Variants in PLXNC1 observed in about 807,000 individuals in gnomAD.
PLXNC1 encodes the protein plexin C1.
Under a neutral mutation model 178.2 loss-of-function variants are expected in PLXNC1, and 75 were observed. The observed-to-expected ratio is 0.42, with a 90% confidence interval of 0.35 to 0.51. The LOEUF (loss-of-function observed/expected upper bound fraction) is 0.51. Ranked by LOEUF, PLXNC1 falls within the 20% of genes least tolerant of loss-of-function variation. The pLI is 0.02. For synonymous variants in PLXNC1, 790 were observed against 779.9 expected (o/e 1.01, Z -0.22); for missense variants, 1,503 against 1,984.4 (o/e 0.76, Z 4.61).
chr12:94,223,568 G>A (rs1164482824), intron 6 of PLXNC1, among the ~76,000 whole-genome samples: 5 of 152,140 alleles, frequency 3.3e-5, no homozygotes, highest in Non-Finnish European at 7.3e-5. Flanking sequence ...TCACTACCTT[G>A]GATAGAGCAT....
chr12:94,302,625 GGT>G (rs1372296702), intron 28 of PLXNC1, among the ~76,000 whole-genome samples: 1 of 152,122 alleles, frequency 6.6e-6, no homozygotes, highest in East Asian at 1.9e-4. Flanking sequence ...TACCAAATAA[GGT>G]AGTTATTATT....
chr12:94,162,837 A>T (rs191558974), intron 1 of PLXNC1, among the ~76,000 whole-genome samples: 2 of 152,274 alleles, frequency 1.3e-5, no homozygotes, highest in Admixed American at 1.3e-4. Flanking sequence ...CATGTCACAG[A>T]TTTCAGTGGT....
chr12:94,188,926 G>T (rs747413930), intron 4 of PLXNC1, among the ~76,000 whole-genome samples: 1 of 152,208 alleles, frequency 6.6e-6, no homozygotes, highest in South Asian at 2.1e-4. Flanking sequence ...AGTGGCCTAC[G>T]GCCATTGAGA....
chr12:94,199,216 T>C (rs10507031), intron 4 of PLXNC1, among the ~76,000 whole-genome samples: 58,257 of 152,090 alleles, frequency 0.38, 12,333 homozygotes, highest in East Asian at 0.58. Context: ...TTGAGTGGAA[T>C]GGCCGACAAT....
At chr12:94,274,145 A>G (rs1481186389) in intron 21 of PLXNC1, among the ~76,000 whole-genome samples, 1 of 120,382 alleles carries the variant, frequency 8.3e-6, no homozygotes, top group African/African-American at 3.3e-5. Flanking sequence ...ACACAGCAAG[A>G]CCCTGTCTCT....
At chr12:94,151,047 T>C (rs1166651354) in intron 1 of PLXNC1, among the ~76,000 whole-genome samples, 2 of 152,098 alleles carry the variant, frequency 1.3e-5, no homozygotes, top group Non-Finnish European at 2.9e-5. Context: ...GCACATCAAC[T>C]CCACATATGG....
intron 9 of PLXNC1, among the ~76,000 whole-genome samples, chr12:94,234,293 G>C (rs1429228516): frequency 6.6e-6 from 1 of 152,048 alleles, no homozygotes; most frequent in Non-Finnish European, 1.5e-5. Context: ...TTCACAAAAG[G>C]TACTCTTACT....
intron 15 of PLXNC1, 104 bp downstream of exon 15, chr12:94,251,632 A>C: frequency 1.3e-6 from 1 of 744,078 alleles, no homozygotes; most frequent in Non-Finnish European, 2.4e-6. Flanking sequence ...ATTAAGTATA[A>C]ATGGGTGAAA....
chr12:94,169,240 G>C lies in PLXNC1; in HGVS notation c.1150G>C (p.Val384Leu). ...CCTGACATCCGTTTATGGCACCGTG[G>C]TAATGAACAGGACTGTTTTATTCTT... is the stretch of plus-strand genomic sequence containing the variant. ...SDLTSVYGTV[V>L]MNRTVLFLGT... The change falls in exon 2 of 31, where the codon GTA (valine) becomes CTA (leucine). Residue 384 changes from valine to leucine, a missense_variant. Physicochemically the swap from Val to Leu is conservative, Grantham distance 32. Transcript: ENST00000258526. The C allele has an allele frequency of 6.2e-7, 1 of 1,614,052 alleles. No homozygotes were observed. Among genetic ancestry groups the C allele is most frequent in the South Asian group, 1.1e-5 (1 of 91,078 alleles).
chr12:94,247,640 CATA>C (rs1356397316), intron 12 of PLXNC1, among the ~76,000 whole-genome samples: 1 of 152,148 alleles, frequency 6.6e-6, no homozygotes, highest in African/African-American at 2.4e-5. Context: ...TGATATTAAT[CATA>C]ATATTAACTA....
chr12:94,238,173 A>G (rs6538489), intron 10 of PLXNC1, among the ~76,000 whole-genome samples: 57,990 of 151,984 alleles, frequency 0.38, 12,347 homozygotes, highest in African/African-American at 0.58. Flanking sequence ...AAATTTGATG[A>G]GGAATTTTTT....
At chr12:94,236,433 A>G (rs1964242777) in intron 9 of PLXNC1, among the ~76,000 whole-genome samples, 1 of 152,214 alleles carries the variant, frequency 6.6e-6, no homozygotes, top group Non-Finnish European at 1.5e-5. Context: ...ACAAAGGAGC[A>G]GAGGATACTC....
At chr12:94,175,098 T>C (rs1274764238) in intron 2 of PLXNC1, among the ~76,000 whole-genome samples, 2 of 151,920 alleles carry the variant, frequency 1.3e-5, no homozygotes, top group Admixed American at 1.3e-4. Context: ...TGTGTGTGCA[T>C]GTGTGTGTGT....
intron 21 of PLXNC1, among the ~76,000 whole-genome samples, chr12:94,275,501 T>C (rs1965863302): frequency 6.6e-6 from 1 of 152,142 alleles, no homozygotes; most frequent in African/African-American, 2.4e-5. Context: ...TTTCCCAGCC[T>C]GGGGGTGGAG....
chr12:94,259,369 T>C lies in PLXNC1; in HGVS notation c.3120T>C (p.Asp1040=). 2 of 1,597,116 alleles carry C rather than the reference T, an allele frequency of 1.3e-6. No homozygotes were observed. Among genetic ancestry groups the C allele is most frequent in the Non-Finnish European group, 8.5e-7 (1 of 1,174,532 alleles). ...GCTTCACCCACATCTTCACTGAAGA[T>C]ATGCATGTAAGTCTCTACGTTTTCA... ...SGGFTHIFTE[D]MHNRDANDKN... The change falls in exon 18 of 31, where the codon GAT becomes GAC. Residue 1040 remains aspartate, a synonymous_variant. Transcript: ENST00000258526.
intron 10 of PLXNC1, among the ~76,000 whole-genome samples, chr12:94,239,621 G>T (rs544345213): frequency 6.6e-6 from 1 of 152,330 alleles, no homozygotes; most frequent in South Asian, 2.1e-4. Flanking sequence ...AATGATTTGT[G>T]CTTTAGAGGA....
rs1161023199 is a variant in PLXNC1 at position 94,169,230 on chromosome 12, T to C, written c.1140T>C (p.Tyr380=). 5.0e-6 allele frequency: 8 copies of C among 1,613,938 alleles called. No homozygotes were observed. Among genetic ancestry groups the C allele is most frequent in the African/African-American group, 1.3e-5 (1 of 74,940 alleles). Residue 380 remains tyrosine (Y), a synonymous_variant, in exon 2 of 31, where the codon TAT becomes TAC. Transcript: ENST00000258526. The stretch of plus-strand genomic sequence containing the variant: ...TCCATTCCGACCTGACATCCGTTTA[T>C]GGCACCGTGGTAATGAACAGGACTG... The part of the protein sequence containing the change: ...TLIHSDLTSV[Y]GTVVMNRTVL...
chr12:94,270,164 T>C (rs754048141), intron 21 of PLXNC1, among the ~76,000 whole-genome samples: 1 of 152,250 alleles, frequency 6.6e-6, no homozygotes, highest in Non-Finnish European at 1.5e-5. Flanking sequence ...TCCAGATTTG[T>C]CTTGTTGCTA....
intron 2 of PLXNC1, among the ~76,000 whole-genome samples, chr12:94,175,978 G>A (rs1962035256): frequency 6.6e-6 from 1 of 152,218 alleles, no homozygotes; most frequent in African/African-American, 2.4e-5. Context: ...GGTGATGTTG[G>A]AGACTTGAAA....
Sources: gnomAD v4.1 joint callset for allele counts (sites outside exome capture counted in the v4.1 genomes callset) on GRCh38, gnomAD v4.1.1 for gene constraint, MANE v1.5 for transcripts, NCBI Gene and HGNC (gene_info 2026-07-23, HGNC 2026-07-21) for gene names.